Variants in CCDC171 observed in about 807,000 individuals in gnomAD.
CCDC171 encodes coiled-coil domain-containing protein 171.
Under a neutral mutation model 168.2 loss-of-function variants are expected in CCDC171, and 177 were observed. That is an observed-to-expected ratio of 1.05 (90% confidence interval 0.93 to 1.19). The LOEUF (loss-of-function observed/expected upper bound fraction) is 1.19, where lower values mean the gene tolerates loss of function less well. Ranked by LOEUF, CCDC171 falls within the 50% of genes most tolerant of loss-of-function variation. CCDC171 has a pLI of 0.00. For synonymous variants in CCDC171, 687 were observed against 540.8 expected, an observed-to-expected ratio of 1.27 and a Z score of -3.75; for missense variants, 1,991 against 1,539.0, an observed-to-expected ratio of 1.29 and a Z score of -4.91.
At chr9:15,943,261 T>C (rs1314523219) in intron 25 of CCDC171, among the ~76,000 whole-genome samples, 2 of 151,970 alleles carry the variant, frequency 1.3e-5, no homozygotes, top group Non-Finnish European at 2.9e-5. Flanking sequence ...AGCAGAGATA[T>C]TTAAAAGGAA....
At chr9:15,564,443 TTC>T in intron 2 of CCDC171, among the ~76,000 whole-genome samples, 1 of 152,380 alleles carries the variant, frequency 6.6e-6, no homozygotes. Flanking sequence ...TTATTTATAT[TTC>T]TGTTTTGTTT....
intron 25 of CCDC171, among the ~76,000 whole-genome samples, chr9:15,921,855 A>C (rs1207087922): frequency 1.3e-5 from 2 of 151,552 alleles, no homozygotes; most frequent in Non-Finnish European, 3.0e-5. Flanking sequence ...GGTTAATTTT[A>C]CATTATACTG....
chr9:15,883,268 C>T (rs1818954197), intron 24 of CCDC171: 1 of 154,734 alleles, frequency 6.5e-6, no homozygotes, highest in Admixed American at 6.5e-5. Flanking sequence ...CTATGCTGCC[C>T]AGACTGGTCT....
intron 7 of CCDC171, among the ~76,000 whole-genome samples, chr9:15,652,356 G>C (rs369110660): frequency 6.6e-6 from 1 of 151,930 alleles, no homozygotes; most frequent in African/African-American, 2.4e-5. Flanking sequence ...CCATTCATGA[G>C]TTTATTTCTG....
At chr9:15,735,596 C>T (rs1457082689) in intron 16 of CCDC171, among the ~76,000 whole-genome samples, 1 of 152,104 alleles carries the variant, frequency 6.6e-6, no homozygotes, top group Non-Finnish European at 1.5e-5. Context: ...TTTTATTCTT[C>T]TTTTACTGTG....
the CCDC171 span, among the ~76,000 whole-genome samples, chr9:16,067,936 A>G: frequency 5.5e-4 from 83 of 152,064 alleles, no homozygotes; most frequent in East Asian, 7.4e-3. Context: ...GGATTGACAT[A>G]GTGTTGGAAG....
intron 10 of CCDC171, among the ~76,000 whole-genome samples, chr9:15,690,445 T>A (rs189833370): frequency 6.4e-4 from 98 of 152,242 alleles, no homozygotes; most frequent in African/African-American, 2.2e-3. Context: ...AGAGATAGAT[T>A]ATCTCACAAA....
intron 1 of CCDC171, among the ~76,000 whole-genome samples, chr9:15,554,785 T>A (rs2038654592): frequency 6.6e-6 from 1 of 152,202 alleles, no homozygotes; most frequent in African/African-American, 2.4e-5. Context: ...GATGTGGATT[T>A]GAATTCTCAT....
Position 15,970,409 on chromosome 9 carries a change from A to T in CCDC171, c.3754-1200A>T, listed in dbSNP as rs551797207. Among the ~76,000 whole-genome samples the T allele has an allele frequency of 1.5e-3, 220 of 150,374 alleles. 1 individual carries two copies. The highest frequency in any genetic ancestry group is 4.2e-3 in the African/African-American group (173 of 40,982). ...TCTACTAAAAAGTTTTTTTTTTTTT[A>T]AAACCCTGCAATATAGAGTATGATT... On this transcript the variant is annotated intron_variant, in intron 25 of 25. Coordinates refer to ENST00000380701, the MANE Select transcript of CCDC171 (RefSeq NM_173550.4).
chr9:15,822,861 T>A (rs1273475754), intron 21 of CCDC171, among the ~76,000 whole-genome samples: 2 of 152,174 alleles, frequency 1.3e-5, no homozygotes, highest in Non-Finnish European at 2.9e-5. Context: ...TTATAAATCA[T>A]GCTGCTGTAA....
chr9:16,021,148 C>T (rs146969961), intron 4 of CCDC171, among the ~76,000 whole-genome samples: 7 of 152,214 alleles, frequency 4.6e-5, no homozygotes, highest in African/African-American at 9.6e-5. Context: ...AGTGCAATGG[C>T]GTGATCTCGG....
chr9:15,592,809 C>A (rs945080122), intron 5 of CCDC171, among the ~76,000 whole-genome samples: 2 of 151,926 alleles, frequency 1.3e-5, no homozygotes, highest in Non-Finnish European at 2.9e-5. Flanking sequence ...GATCTGATCT[C>A]AATTAGCTAC....
intron 7 of CCDC171, among the ~76,000 whole-genome samples, chr9:15,625,910 G>A (rs1186245375): frequency 6.6e-6 from 1 of 152,156 alleles, no homozygotes; most frequent in Non-Finnish European, 1.5e-5. Flanking sequence ...ACCTTGGGGA[G>A]TATGGCCATT....
intron 2 of CCDC171, among the ~76,000 whole-genome samples, chr9:15,564,343 G>T (rs2039552429): frequency 6.6e-6 from 1 of 152,174 alleles, no homozygotes; most frequent in East Asian, 1.9e-4. Context: ...TGTTAATTTG[G>T]ACCACAAAAG....
intron 16 of CCDC171, among the ~76,000 whole-genome samples, chr9:15,739,492 T>C (rs1046587050): frequency 1.3e-5 from 2 of 152,050 alleles, no homozygotes; most frequent in Non-Finnish European, 2.9e-5. Context: ...TGTGGGCAAA[T>C]TGTGTAACTT....
chr9:15,696,966 T>A (rs1220838115), intron 11 of CCDC171, among the ~76,000 whole-genome samples: 13 of 152,134 alleles, frequency 8.5e-5, no homozygotes, highest in Admixed American at 8.5e-4. Context: ...ATGTTTCCAT[T>A]TTGTGCTGAT....
chr9:16,104,655 A>G, the CCDC171 span, among the ~76,000 whole-genome samples: 1 of 151,938 alleles, frequency 6.6e-6, no homozygotes, highest in Non-Finnish European at 1.5e-5. Flanking sequence ...TGCACCCATC[A>G]TCATCCATCC....
intron 16 of CCDC171, 61 bp downstream of exon 16, chr9:15,729,859 T>A: frequency 1.4e-6 from 2 of 1,386,376 alleles, no homozygotes; most frequent in Non-Finnish European, 9.8e-7. Flanking sequence ...ATTAGAAACT[T>A]TTTTTTTTTC....
intron 11 of CCDC171, among the ~76,000 whole-genome samples, chr9:15,709,840 T>A (rs1044659756): frequency 4.6e-5 from 7 of 152,172 alleles, no homozygotes; most frequent in Admixed American, 1.3e-4. Context: ...TAATTGCATA[T>A]CTTTTTTTAT....
Sources: gnomAD v4.1 joint callset for allele counts (sites outside exome capture counted in the v4.1 genomes callset) on GRCh38, gnomAD v4.1.1 for gene constraint, MANE v1.5 for transcripts, NCBI Gene and HGNC (gene_info 2026-07-23, HGNC 2026-07-21) for gene names.